The following TENM2 variants were observed in gnomAD, a reference collection of about 807,000 sequenced individuals.
The protein encoded by TENM2 is teneurin-2.
In TENM2, 52 loss-of-function variants were observed where a neutral mutation model predicts 245.2. The observed-to-expected ratio is 0.21, with a 90% CI of 0.17 to 0.27. TENM2 has a LOEUF of 0.27. TENM2 is among the 10% of genes least tolerant of loss of function. The probability of loss-of-function intolerance (pLI) is 1.00; values close to 1 mark genes in which losing one functional copy is unlikely to be tolerated. For synonymous variants in TENM2, 1,363 were observed against 1,438.9 expected (o/e 0.95, Z 1.19); for missense variants, 3,046 against 3,666.8 (o/e 0.83, Z 4.37).
the TENM2 span, among the ~76,000 whole-genome samples, chr5:167,161,071 T>C: frequency 1.3e-5 from 2 of 152,344 alleles, no homozygotes; most frequent in Middle Eastern, 3.4e-3. Flanking sequence ...GGTATGTGTG[T>C]TCAAATAAAT....
chr5:168,187,030 A>C (rs1760514983), intron 13 of TENM2: 1 of 152,250 alleles, frequency 6.6e-6, no homozygotes, highest in Non-Finnish European at 1.5e-5. Context: ...TGAGGTCATT[A>C]TAGGCATAAC....
At chr5:168,176,235 G>A (rs542298995) in intron 13 of TENM2, among the ~76,000 whole-genome samples, 1 of 152,128 alleles carries the variant, frequency 6.6e-6, no homozygotes, top group African/African-American at 2.4e-5. Flanking sequence ...CTCAAGCCTT[G>A]CCAGGGCCTC....
chr5:166,979,950 T>C, the TENM2 span, among the ~76,000 whole-genome samples: 2 of 152,206 alleles, frequency 1.3e-5, no homozygotes, highest in Non-Finnish European at 2.9e-5. Context: ...TGCATTTGAC[T>C]CAGTTTTGAC....
intron 2 of TENM2, among the ~76,000 whole-genome samples, chr5:167,609,012 A>G (rs1777257842): frequency 6.6e-6 from 1 of 152,116 alleles, no homozygotes; most frequent in African/African-American, 2.4e-5. Flanking sequence ...GAATGGAGTG[A>G]TTGTTTGCTA....
intron 4 of TENM2, among the ~76,000 whole-genome samples, chr5:167,966,136 G>A (rs1020282275): frequency 6.6e-6 from 1 of 152,172 alleles, no homozygotes; most frequent in South Asian, 2.1e-4. Flanking sequence ...TGGCAACCCG[G>A]ATGGTAAATC....
At chr5:167,486,499 T>C (rs1436516974) in intron 2 of TENM2, among the ~76,000 whole-genome samples, 2 of 151,984 alleles carry the variant, frequency 1.3e-5, no homozygotes, top group African/African-American at 4.8e-5. Flanking sequence ...CAGCTAATTT[T>C]TTGTGTTTTT....
chr5:167,445,336 T>TATATATAGGGAGAGAG (rs368881390), intron 2 of TENM2, among the ~76,000 whole-genome samples: 1 of 77,316 alleles, frequency 1.3e-5, no homozygotes, highest in African/African-American at 5.6e-5. Flanking sequence ...TATATATATA[T>TATATATAGGGAGAGAG]AGAGAGAGAG....
chr5:168,143,188 T>A (rs919408072), intron 12 of TENM2, among the ~76,000 whole-genome samples: 4 of 152,038 alleles, frequency 2.6e-5, no homozygotes, highest in African/African-American at 9.6e-5. Context: ...TGTGACCTAG[T>A]GCATAATTTG....
chr5:167,387,831 C>G (rs1761533285), intron 2 of TENM2, among the ~76,000 whole-genome samples: 1 of 152,038 alleles, frequency 6.6e-6, no homozygotes, highest in Admixed American at 6.6e-5. Flanking sequence ...TATTGACTTG[C>G]ATCTGTTAAA....
intron 2 of TENM2, among the ~76,000 whole-genome samples, chr5:167,635,839 T>C (rs1411233339): frequency 6.6e-6 from 1 of 151,346 alleles, no homozygotes; most frequent in Non-Finnish European, 1.5e-5. Context: ...AGAGACGGGG[T>C]TTCACCGTTT....
intron 13 of TENM2, among the ~76,000 whole-genome samples, chr5:168,166,657 G>C (rs949044554): frequency 7.9e-5 from 12 of 152,266 alleles, no homozygotes; most frequent in Admixed American, 2.6e-4. Context: ...GCTGACGCAG[G>C]GGACGCTGAT....
At chr5:167,743,306 G>C (rs1761323470) in intron 2 of TENM2, among the ~76,000 whole-genome samples, 1 of 152,116 alleles carries the variant, frequency 6.6e-6, no homozygotes, top group African/African-American at 2.4e-5. Flanking sequence ...TGTTTGCAGA[G>C]GGAAAACATG....
At chr5:167,434,730 T>TATGGAG (rs1195577279) in intron 2 of TENM2, among the ~76,000 whole-genome samples, 5 of 152,148 alleles carry the variant, frequency 3.3e-5, no homozygotes, top group African/African-American at 1.2e-4. Flanking sequence ...GGACATTAAA[T>TATGGAG]TCATGACTCC....
chr5:167,332,972 C>T (rs1055945634), intron 1 of TENM2, among the ~76,000 whole-genome samples: 1 of 151,888 alleles, frequency 6.6e-6, no homozygotes, highest in Middle Eastern at 3.4e-3. Context: ...AAGTGATAAA[C>T]GTGGTAAGAA....
chr5:167,745,263 T>C (rs1761477503), intron 2 of TENM2, among the ~76,000 whole-genome samples: 1 of 152,222 alleles, frequency 6.6e-6, no homozygotes, highest in South Asian at 2.1e-4. Flanking sequence ...CTGCGGACAT[T>C]GGCTGCTCCA....
intron 2 of TENM2, among the ~76,000 whole-genome samples, chr5:167,776,698 G>T (rs1432908586): frequency 6.8e-6 from 1 of 146,920 alleles, no homozygotes; most frequent in Non-Finnish European, 1.5e-5. Flanking sequence ...TGATCTTAAG[G>T]GGCAGGGCCA....
chr5:168,048,092 A>G (rs1370005003), intron 6 of TENM2, among the ~76,000 whole-genome samples: 1 of 152,210 alleles, frequency 6.6e-6, no homozygotes, highest in Non-Finnish European at 1.5e-5. Context: ...ACAACTCGGC[A>G]ACAAAGCTTC....
intron 10 of TENM2, among the ~76,000 whole-genome samples, chr5:168,119,458 G>C (rs1647782360): frequency 6.6e-6 from 1 of 152,192 alleles, no homozygotes; most frequent in African/African-American, 2.4e-5. Context: ...CCAATATGTT[G>C]GGACTGACTT....
At chr5:167,984,964 C>T (rs1353193261) in intron 4 of TENM2, among the ~76,000 whole-genome samples, 1 of 152,112 alleles carries the variant, frequency 6.6e-6, no homozygotes, top group East Asian at 1.9e-4. Flanking sequence ...TTAATGGTGC[C>T]AGAAAGGGTG....
Sources: gnomAD v4.1 joint callset for allele counts (sites outside exome capture counted in the v4.1 genomes callset) on GRCh38, gnomAD v4.1.1 for gene constraint, MANE v1.5 for transcripts, NCBI Gene and HGNC (gene_info 2026-07-23, HGNC 2026-07-21) for gene names.